Variants in CTNNA3 observed in about 807,000 individuals in gnomAD.
CTNNA3 encodes catenin alpha-3.
Under a neutral mutation model 95.7 loss-of-function variants are expected in CTNNA3, and 76 were observed. That is an observed-to-expected ratio of 0.79 (90% CI 0.66 to 0.96). CTNNA3 has a LOEUF of 0.96. Among genes scored for constraint, CTNNA3 ranks in the 40% least tolerant of loss-of-function variants. CTNNA3 has a pLI of 0.00. For synonymous variants in CTNNA3, 431 were observed against 374.4 expected (o/e 1.15, Z -1.74); for missense variants, 1,191 against 1,089.8 (o/e 1.09, Z -1.31).
intron 7 of CTNNA3, among the ~76,000 whole-genome samples, chr10:66,913,684 A>C (rs1331197545): frequency 6.6e-6 from 1 of 152,184 alleles, no homozygotes; most frequent in Non-Finnish European, 1.5e-5. Flanking sequence ...GCGCCATAAA[A>C]GTCATGAGAA....
At chr10:66,060,097 A>G (rs1342196363) in intron 15 of CTNNA3, among the ~76,000 whole-genome samples, 2 of 152,014 alleles carry the variant, frequency 1.3e-5, no homozygotes, top group Admixed American at 1.3e-4. Context: ...ATCATAGAAG[A>G]TATAATTAAA....
intron 12 of CTNNA3, among the ~76,000 whole-genome samples, chr10:66,349,923 T>C (rs2092553927): frequency 6.6e-6 from 1 of 152,090 alleles, no homozygotes; most frequent in African/African-American, 2.4e-5. Context: ...GCTTTGATCC[T>C]GCAGTTTTCT....
intron 16 of CTNNA3, among the ~76,000 whole-genome samples, chr10:65,984,004 A>G (rs1320803657): frequency 6.6e-6 from 1 of 151,354 alleles, no homozygotes; most frequent in East Asian, 1.9e-4. Flanking sequence ...AAATTGGTCT[A>G]ATAATATATG....
chr10:66,593,981 A>C (rs1911338), intron 10 of CTNNA3, among the ~76,000 whole-genome samples: 6 of 151,788 alleles, frequency 4.0e-5, no homozygotes, highest in Non-Finnish European at 8.8e-5. Context: ...AAATGTTAAC[A>C]ACTCCAAGTT....
intron 5 of CTNNA3, among the ~76,000 whole-genome samples, chr10:67,399,896 A>T (rs1844853223): frequency 1.3e-5 from 2 of 152,140 alleles, no homozygotes; most frequent in Non-Finnish European, 2.9e-5. Flanking sequence ...AAGTGGAAGA[A>T]TTTCTATAGT....
At chr10:67,071,870 A>T (rs1469144294) in intron 7 of CTNNA3, among the ~76,000 whole-genome samples, 3 of 152,140 alleles carry the variant, frequency 2.0e-5, no homozygotes, top group Non-Finnish European at 4.4e-5. Flanking sequence ...CCAATTTATC[A>T]TATGTCCCTA....
At position 67,264,425 on chromosome 10, in the gene CTNNA3, A is replaced by T. The variant is rs888978918; in HGVS notation, c.580-44555T>A. On this transcript the variant is annotated intron_variant, in intron 5 of 17. Coordinates refer to ENST00000433211, the MANE Select transcript of CTNNA3 (RefSeq NM_013266.4). The stretch of plus-strand genomic sequence containing the variant: ...TCTCACTATATCTCCAAACAGCTAT[A>T]TGAGGTACTATTTCACCTATTTACA... Among the ~76,000 whole-genome samples the T allele has an allele frequency of 2.6e-5, 4 of 152,212 alleles. No homozygotes were observed. The East Asian group carries it at 7.7e-4, about 29-fold the overall frequency.
chr10:67,720,684 TG>T (rs1266634439), intron 1 of CTNNA3, among the ~76,000 whole-genome samples: 4 of 152,286 alleles, frequency 2.6e-5, no homozygotes, highest in South Asian at 2.1e-4. Context: ...CTGGGCATGG[TG>T]GCTCATGCCT....
At chr10:66,388,305 A>G (rs1329332437) in intron 11 of CTNNA3, among the ~76,000 whole-genome samples, 1 of 152,160 alleles carries the variant, frequency 6.6e-6, no homozygotes. Flanking sequence ...TTAATAATAT[A>G]TAATACACTA....
intron 3 of CTNNA3, among the ~76,000 whole-genome samples, chr10:67,606,133 CA>C (rs1464511862): frequency 2.6e-5 from 4 of 152,270 alleles, no homozygotes; most frequent in Non-Finnish European, 5.9e-5. Flanking sequence ...GTCTCTTTTA[CA>C]AAGCTGAACA....
intron 9 of CTNNA3, among the ~76,000 whole-genome samples, chr10:66,693,217 T>C (rs1847623719): frequency 6.6e-6 from 1 of 151,772 alleles, no homozygotes; most frequent in Non-Finnish European, 1.5e-5. Flanking sequence ...AGGAAACCCA[T>C]CTCACACGCA....
intron 5 of CTNNA3, among the ~76,000 whole-genome samples, chr10:67,326,392 C>A (rs1841538559): frequency 6.6e-6 from 1 of 152,096 alleles, no homozygotes; most frequent in Non-Finnish European, 1.5e-5. Flanking sequence ...TTTAGTGCTA[C>A]CTTTAAGAGT....
chr10:67,699,604 G>C (rs1841017788), upstream of CTNNA3, among the ~76,000 whole-genome samples: 1 of 152,218 alleles, frequency 6.6e-6, no homozygotes. Context: ...ATTTCACTCA[G>C]GGATTACTAA....
chr10:65,954,248 G>C (rs2077684424), intron 17 of CTNNA3, among the ~76,000 whole-genome samples: 1 of 152,168 alleles, frequency 6.6e-6, no homozygotes, highest in Non-Finnish European at 1.5e-5. Context: ...ATTTTTTCTT[G>C]TAAATTTGTT....
chr10:67,087,638 T>C (rs899147960), intron 7 of CTNNA3, among the ~76,000 whole-genome samples: 2 of 152,028 alleles, frequency 1.3e-5, no homozygotes, highest in East Asian at 3.9e-4. Context: ...TGCAGTGCCA[T>C]GTGCCTCATC....
At chr10:67,191,177 C>T (rs756441261) in intron 6 of CTNNA3, among the ~76,000 whole-genome samples, 8 of 151,910 alleles carry the variant, frequency 5.3e-5, no homozygotes, top group Non-Finnish European at 1.0e-4. Context: ...AACAGTTTGG[C>T]GGTTTCTTAC....
At chr10:66,899,236 C>G (rs891319088) in intron 7 of CTNNA3, among the ~76,000 whole-genome samples, 5 of 152,142 alleles carry the variant, frequency 3.3e-5, no homozygotes, top group African/African-American at 1.2e-4. Context: ...TATGGAGAAC[C>G]TGGAACCTTT....
At chr10:67,140,862 T>G (rs1342871858) in intron 7 of CTNNA3, among the ~76,000 whole-genome samples, 1 of 152,198 alleles carries the variant, frequency 6.6e-6, no homozygotes, top group Non-Finnish European at 1.5e-5. Context: ...GCATGAACAG[T>G]GCTTTCTTAC....
intron 7 of CTNNA3, among the ~76,000 whole-genome samples, chr10:67,053,276 T>C (rs1191262354): frequency 6.6e-6 from 1 of 152,164 alleles, no homozygotes; most frequent in East Asian, 1.9e-4. Context: ...ACGCTAATCT[T>C]AGAACACTAT....
Sources: gnomAD v4.1 joint callset for allele counts (sites outside exome capture counted in the v4.1 genomes callset) on GRCh38, gnomAD v4.1.1 for gene constraint, MANE v1.5 for transcripts, NCBI Gene and HGNC (gene_info 2026-07-23, HGNC 2026-07-21) for gene names.